SLC3A1: variants seen among roughly 807,000 people sequenced by gnomAD.
SLC3A1 encodes amino acid transporter heavy chain SLC3A1.
In SLC3A1, 78 loss-of-function variants were observed where a neutral mutation model predicts 60.3. The observed-to-expected ratio is 1.29, with a 90% CI of 1.08 to 1.56. The LOEUF is 1.56. Ranked by LOEUF, SLC3A1 falls within the 40% of genes most tolerant of loss-of-function variation. The probability of loss-of-function intolerance (pLI) is 0.00; values close to 1 mark genes in which losing one functional copy is unlikely to be tolerated. For synonymous variants in SLC3A1, 392 were observed against 307.9 expected, an observed-to-expected ratio of 1.27 and a Z score of -2.86; for missense variants, 1,172 against 858.9, an observed-to-expected ratio of 1.36 and a Z score of -4.56.
At position 44,303,093 on chromosome 2, in the gene SLC3A1, C is replaced by G. The variant is rs182335821; in HGVS notation, c.1137-1050C>G. Among the ~76,000 whole-genome samples the G allele has an allele frequency of 8.1e-4, 123 of 151,408 alleles. 1 individual carries two copies. The highest frequency in any genetic ancestry group is 2.0e-4 in the East Asian group (1 of 5,024). On this transcript the variant is annotated intron_variant, in intron 6 of 9. Transcript: ENST00000260649. ...GCGGGTGCCTGTAATCCTAGCTACT[C>G]GGGAGGCTGAGGCAGGAGAATCACT...
rs778336820 is a variant in SLC3A1, at chr2:44,275,707, G to A, written c.172G>A (p.Asp58Asn). The A allele has an allele frequency of 1.4e-5, 22 of 1,614,020 alleles. No homozygotes were observed. Among genetic ancestry groups the A allele is most frequent in the South Asian group, 7.7e-5 (7 of 91,072 alleles). The change falls in exon 1 of 10, where the codon GAC becomes AAC. Residue 58 changes from aspartate to asparagine, a missense_variant. Physicochemically the swap from Asp to Asn is conservative, Grantham distance 23. Transcript: ENST00000260649. The stretch of plus-strand genomic sequence containing the variant: ...GGGCATCCTTGGCTCCCAGGAGCCC[G>A]ACTTCAAGGGCGTCCAGCCCTATGC... ...TRGILGSQEP[D>N]FKGVQPYAGM...
intron 4 of SLC3A1, among the ~76,000 whole-genome samples, chr2:44,293,160 ATATCT>A (rs1671775571): frequency 1.3e-5 from 2 of 151,980 alleles, no homozygotes; most frequent in Non-Finnish European, 2.9e-5. Flanking sequence ...AGAGAGGGAA[ATATCT>A]TAGGTATGTA....
intron 4 of SLC3A1, among the ~76,000 whole-genome samples, chr2:44,295,828 C>T (rs1270387088): frequency 1.3e-5 from 2 of 152,174 alleles, no homozygotes; most frequent in Non-Finnish European, 2.9e-5. Context: ...TGTCAGAGGC[C>T]GCTTGGATGC....
chr2:44,277,988 T>C (rs1671388405), intron 1 of SLC3A1, among the ~76,000 whole-genome samples: 1 of 152,198 alleles, frequency 6.6e-6, no homozygotes, highest in African/African-American at 2.4e-5. Flanking sequence ...TTGTTTACTT[T>C]CTCCAGCCAC....
intron 7 of SLC3A1, among the ~76,000 whole-genome samples, chr2:44,308,990 C>G (rs371700193): frequency 1.3e-5 from 2 of 152,132 alleles, no homozygotes; most frequent in Non-Finnish European, 2.9e-5. Context: ...CCTCAGCCTC[C>G]CAAAGTGCTG....
chr2:44,313,902 G>C lies in SLC3A1; in HGVS notation c.1568G>C (p.Ser523Thr). The C allele has an allele frequency of 6.2e-7, 1 of 1,614,064 alleles. No individual in the cohort carries two copies. Among genetic ancestry groups the C allele is most frequent in the East Asian group, 2.2e-5 (1 of 44,858 alleles). ...NSSNAGFSEASNTWLPTNSDY... is the reference protein window; with the variant it reads ...NSSNAGFSEATNTWLPTNSDY... ...TCAAATGCTGGTTTTTCTGAAGCTAGTAACACCTGGTTACCTACCAATTCA... is the reference window on the plus strand; with the variant it reads ...TCAAATGCTGGTTTTTCTGAAGCTACTAACACCTGGTTACCTACCAATTCA... Residue 523 changes from serine (S) to threonine (T), a missense_variant, in exon 9 of 10, where the codon AGT (serine) becomes ACT (threonine). Ser to Thr is a moderately conservative substitution (Grantham distance 58). Transcript: ENST00000260649.
intron 7 of SLC3A1, among the ~76,000 whole-genome samples, chr2:44,305,113 G>T (rs1672120270): frequency 6.6e-6 from 1 of 152,062 alleles, no homozygotes; most frequent in South Asian, 2.1e-4. Context: ...GGGAATACAG[G>T]CATGAGCTAC....
At chr2:44,307,819 A>T (rs1016786925) in intron 7 of SLC3A1, among the ~76,000 whole-genome samples, 1 of 152,174 alleles carries the variant, frequency 6.6e-6, no homozygotes, top group African/African-American at 2.4e-5. Context: ...AAAAGCACAG[A>T]AGTTTTTAAT....
At chr2:44,284,429 C>T (rs1378453620) in intron 3 of SLC3A1, among the ~76,000 whole-genome samples, 3 of 152,088 alleles carry the variant, frequency 2.0e-5, no homozygotes, top group African/African-American at 4.8e-5. Flanking sequence ...TGCAGGATAT[C>T]GCATGCTCAG....
At chr2:44,294,335 T>C (rs775479732) in intron 4 of SLC3A1, among the ~76,000 whole-genome samples, 20 of 151,952 alleles carry the variant, frequency 1.3e-4, no homozygotes, top group Non-Finnish European at 2.5e-4. Flanking sequence ...TGAAACTCCA[T>C]CTCTACTAAA....
intron 9 of SLC3A1, among the ~76,000 whole-genome samples, chr2:44,315,503 CA>C (rs11324145): frequency 0.75 from 99,552 of 132,680 alleles, 37,380 homozygotes; most frequent in African/African-American, 0.83. Flanking sequence ...CTACCCCCGC[CA>C]AAAAAAAAAA....
rs1206092195 is a variant in SLC3A1 at position 44,312,757 on chromosome 2, A to C, written c.1500+4A>C. ...TCTCAATGAAAGCTATGATATTGTA[A>C]GTTGAATACAACTTGACTATTCATC... is the stretch of plus-strand genomic sequence containing the variant. On this transcript the variant is annotated splice_donor_region_variant and intron_variant, in intron 8 of 9. Transcript: ENST00000260649. 3.1e-6 allele frequency: 5 copies of C among 1,604,032 alleles called. No individual in the cohort carries two copies. Among genetic ancestry groups the C allele is most frequent in the Non-Finnish European group, 3.4e-6 (4 of 1,177,578 alleles).
chr2:44,296,581 G>T (rs956775320), intron 4 of SLC3A1, among the ~76,000 whole-genome samples: 1 of 152,136 alleles, frequency 6.6e-6, no homozygotes, highest in Non-Finnish European at 1.5e-5. Flanking sequence ...ATAAAAAATT[G>T]ATTCAAGCTT....
intron 3 of SLC3A1, among the ~76,000 whole-genome samples, chr2:44,284,327 G>A (rs901343346): frequency 6.6e-6 from 1 of 152,070 alleles, no homozygotes; most frequent in Non-Finnish European, 1.5e-5. Context: ...ATCTGCCCAC[G>A]TCGGCTTCCC....
chr2:44,285,133 A>G (rs1481703392), intron 3 of SLC3A1: 1 of 152,154 alleles, frequency 6.6e-6, no homozygotes, highest in East Asian at 1.9e-4. Context: ...GTTTATGTAC[A>G]CTAAAAATCT....
intron 9 of SLC3A1, chr2:44,318,164 C>T (rs372789704): frequency 2.3e-6 from 1 of 435,252 alleles, no homozygotes; most frequent in Non-Finnish European, 4.6e-6. Flanking sequence ...GATCTCGGCA[C>T]ACTGCAGCCT....
Position 44,321,094 on chromosome 2 carries a change from C to T in SLC3A1, c.*455C>T. 1 of 444,426 alleles carries T rather than the reference C, an allele frequency of 2.3e-6. No individual in the cohort carries two copies. The highest frequency in any genetic ancestry group is 2.8e-5 in the South Asian group (1 of 36,158). 27.5% of individuals were successfully genotyped at this position (444,426 alleles called of 1,614,324 possible). ...GGCCTGGAGCTCTGCTATCACCAAT[C>T]CTTCCCTTCCCTCTACTCCACATCC... On this transcript the variant is annotated 3_prime_UTR_variant, in exon 10 of 10. Coordinates refer to ENST00000260649, the MANE Select transcript of SLC3A1 (RefSeq NM_000341.4).
rs141175026 is a variant in SLC3A1 at position 44,304,768 on chromosome 2, C to T, written c.1332+430C>T. ...AAAGCATTTAAACTACAGAGATTGT[C>T]GGAGAAAGAATTTCTCCCCCTTCTG... On this transcript the variant is annotated intron_variant, in intron 7 of 9. Transcript: ENST00000260649. Among the ~76,000 whole-genome samples the T allele has an allele frequency of 2.8e-3, 420 of 149,066 alleles. 1 individual carries two copies. The highest frequency in any genetic ancestry group is 9.6e-3 in the African/African-American group (391 of 40,592).
chr2:44,295,497 T>C (rs1452047897), intron 4 of SLC3A1, among the ~76,000 whole-genome samples: 3 of 152,178 alleles, frequency 2.0e-5, no homozygotes, highest in Admixed American at 2.0e-4. Context: ...AGAGAATAAA[T>C]AGCATGAAGC....
Sources: gnomAD v4.1 joint callset for allele counts (sites outside exome capture counted in the v4.1 genomes callset) on GRCh38, gnomAD v4.1.1 for gene constraint, MANE v1.5 for transcripts, NCBI Gene and HGNC (gene_info 2026-07-23, HGNC 2026-07-21) for gene names.